NCAPD3: variants seen among roughly 807,000 people sequenced by gnomAD.
NCAPD3 encodes condensin-2 complex subunit D3.
In NCAPD3, 105 loss-of-function variants were observed where a neutral mutation model predicts 182.9. The ratio of observed to expected loss-of-function variants is 0.57; its 90% CI spans 0.49 to 0.68. The LOEUF (loss-of-function observed/expected upper bound fraction) is 0.68, where lower values mean the gene tolerates loss of function less well. Ranked by LOEUF, NCAPD3 falls within the 30% of genes least tolerant of loss-of-function variation. The probability of loss-of-function intolerance (pLI) is 0.00; values close to 1 mark genes in which losing one functional copy is unlikely to be tolerated. For synonymous variants in NCAPD3, 815 were observed against 679.9 expected, an observed-to-expected ratio of 1.20 and a Z score of -3.09; for missense variants, 1,944 against 1,837.0, an observed-to-expected ratio of 1.06 and a Z score of -1.07.
chr11:134,163,266 G>A (rs557179962), intron 27 of NCAPD3, among the ~76,000 whole-genome samples: 1 of 152,132 alleles, frequency 6.6e-6, no homozygotes, highest in African/African-American at 2.4e-5. Context: ...ACTTCCATGA[G>A]CTTTGACAAA....
At chr11:134,208,973 T>C (rs114252018) in intron 6 of NCAPD3, 22 bp from the exon 7 acceptor site, 1 of 1,533,306 alleles carries the variant, frequency 6.5e-7, no homozygotes, top group Non-Finnish European at 9.0e-7. Flanking sequence ...AGACGAAATA[T>C]TAGTTAATGG....
At chr11:134,163,412 C>G (rs1178659069) in intron 27 of NCAPD3, among the ~76,000 whole-genome samples, 1 of 152,012 alleles carries the variant, frequency 6.6e-6, no homozygotes. Context: ...TTAAGAAAGA[C>G]TGCTGGGCTG....
intron 27 of NCAPD3, among the ~76,000 whole-genome samples, chr11:134,164,908 ACACT>A (rs1190582584): frequency 6.6e-5 from 10 of 151,266 alleles, no homozygotes; most frequent in African/African-American, 2.4e-4. Flanking sequence ...GGGGAGCTGC[ACACT>A]CACTTGTGAG....
rs770207897 is a variant in NCAPD3 at position 134,168,327 on chromosome 11, C to A, written c.3374-132G>T. On this transcript the variant is annotated intron_variant, in intron 26 of 34. Transcript: ENST00000534548. ...CTGCAAGGGTGTTTTGTCTGGGGCA[C>A]AGCTGATGCCAGAGAAGGACAAGAT... The A allele has an allele frequency of 8.1e-6, 12 of 1,474,900 alleles. No homozygotes were observed. The South Asian group carries it at 1.3e-4, about 16-fold the overall frequency. 91.4% of individuals were successfully genotyped at this position (1,474,900 alleles called of 1,614,324 possible). A position where few individuals can be genotyped will look rare whatever the true frequency, so the allele number is the denominator to read the frequency against.
rs78438391 is a variant in NCAPD3 at position 134,160,197 on chromosome 11, G to A, written c.3685-123C>T. On this transcript the variant is annotated intron_variant, in intron 28 of 34. Coordinates refer to ENST00000534548, the MANE Select transcript of NCAPD3 (RefSeq NM_015261.3). ...ACATCCTGCACGTGTACCCCTGAACGCAAAATAAAAGTTAAGAAAGAAAAA... is the reference window on the plus strand; with the variant it reads ...ACATCCTGCACGTGTACCCCTGAACACAAAATAAAAGTTAAGAAAGAAAAA... 8,458 of 952,796 alleles carry A rather than the reference G, an allele frequency of 8.9e-3. 499 individuals carry two copies. The African/African-American group carries it at 0.12, about 14-fold the overall frequency. 59.0% of individuals were successfully genotyped at this position (952,796 alleles called of 1,614,324 possible). A position where few individuals can be genotyped will look rare whatever the true frequency, so the allele number is the denominator to read the frequency against.
At chr11:134,225,047 C>T, upstream of NCAPD3, 5 of 1,428,524 alleles carry the variant, frequency 3.5e-6, no homozygotes, top group Non-Finnish European at 4.7e-6. Flanking sequence ...GCCCTCTGGC[C>T]TTCTTTACCT....
At chr11:134,190,639 A>C (rs773121204) in intron 16 of NCAPD3, among the ~76,000 whole-genome samples, 3 of 152,136 alleles carry the variant, frequency 2.0e-5, no homozygotes, top group Non-Finnish European at 4.4e-5. Context: ...GGCGTGCGCC[A>C]CCACAAATGG....
intron 29 of NCAPD3, among the ~76,000 whole-genome samples, chr11:134,158,932 TTC>T (rs1436467951): frequency 1.3e-5 from 2 of 152,232 alleles, no homozygotes; most frequent in African/African-American, 4.8e-5. Context: ...ATCTTTGTCT[TTC>T]TGTGTTTGGC....
chr11:134,165,589 T>C (rs902754219), intron 27 of NCAPD3, among the ~76,000 whole-genome samples: 2 of 143,792 alleles, frequency 1.4e-5, no homozygotes, highest in African/African-American at 5.2e-5. Flanking sequence ...AGGGGCACAC[T>C]AGTGAGATGA....
At chr11:134,221,307 C>T (rs1411448644) in intron 1 of NCAPD3, among the ~76,000 whole-genome samples, 1 of 152,132 alleles carries the variant, frequency 6.6e-6, no homozygotes. Context: ...AGACAGCACG[C>T]TGGCTGGATT....
At position 134,151,515 on chromosome 11, in the gene NCAPD3, A is replaced by G. The variant is rs1943234223; in HGVS notation, c.*1429T>C. ...CTAGTGCCATGGGAACCAGGTCTGA[A>G]AAAGTAGAGAGAAGTGAAAGTAGAG... On this transcript the variant is annotated 3_prime_UTR_variant, in exon 35 of 35. Transcript: ENST00000534548. 6.6e-6 allele frequency: 1 copy of G among 152,246 alleles called. No individual in the cohort carries two copies. The highest frequency in any genetic ancestry group is 2.4e-5 in the African/African-American group (1 of 41,448). The allele number at this position is 152,246 out of a possible 1,614,324, so 9.4% of individuals were successfully genotyped here. A position where few individuals can be genotyped will look rare whatever the true frequency, so the allele number is the denominator to read the frequency against.
chr11:134,203,730 T>C lies in NCAPD3; in HGVS notation c.1392A>G (p.Ala464=). Residue 464 remains alanine (A), a synonymous_variant, in exon 11 of 35, where the codon GCA becomes GCG. Coordinates refer to ENST00000534548, the MANE Select transcript of NCAPD3 (RefSeq NM_015261.3). ...CCAGACAGTGTGCAAAGCTGGACAG[T>C]GCCTTGCTGCGGACAGTAGGCGCCT... ...LDKAPTVRSK[A]LSSFAHCLEL... is the part of the protein sequence containing the mutation. The C allele has an allele frequency of 1.9e-6, 3 of 1,614,162 alleles. No individual in the cohort carries two copies. The highest frequency in any genetic ancestry group is 1.7e-6 in the Non-Finnish European group (2 of 1,180,020).
chr11:134,202,930 T>G, intron 12 of NCAPD3, 25 bp from the exon 13 acceptor site: 1 of 1,544,770 alleles, frequency 6.5e-7, no homozygotes, highest in Non-Finnish European at 8.8e-7. Flanking sequence ...TTACAGTCAT[T>G]AAGCTAAAAA....
intron 3 of NCAPD3, among the ~76,000 whole-genome samples, chr11:134,214,902 C>T (rs1184780661): frequency 6.6e-6 from 1 of 152,138 alleles, no homozygotes; most frequent in Non-Finnish European, 1.5e-5. Context: ...CCCAGATACT[C>T]AAACCAGACA....
intron 1 of NCAPD3, among the ~76,000 whole-genome samples, chr11:134,221,114 G>A (rs992974041): frequency 5.9e-5 from 9 of 152,188 alleles, no homozygotes; most frequent in African/African-American, 2.2e-4. Flanking sequence ...AAGTTAATAA[G>A]TGGAAATAAA....
At chr11:134,183,691 A>T (rs2135983997) in intron 19 of NCAPD3, among the ~76,000 whole-genome samples, 1 of 152,370 alleles carries the variant, frequency 6.6e-6, no homozygotes, top group East Asian at 1.9e-4. Flanking sequence ...CCAGAAAAAC[A>T]CCAGGCACCA....
chr11:134,203,939 G>C lies in NCAPD3; in HGVS notation c.1216-33C>G, dbSNP rs2136011725. On this transcript the variant is annotated intron_variant, in intron 10 of 34. Coordinates refer to ENST00000534548, the MANE Select transcript of NCAPD3 (RefSeq NM_015261.3). ...AGCAAGATCATAAGAATTGCCATCAGATAGGAGTAAGAACCAAAGAACCCT... is the reference window on the plus strand; with the variant it reads ...AGCAAGATCATAAGAATTGCCATCACATAGGAGTAAGAACCAAAGAACCCT... 3.7e-6 allele frequency: 6 copies of C among 1,608,598 alleles called. No individual in the cohort carries two copies. In the South Asian group the frequency reaches 5.5e-5, roughly 15 times the overall value.
chr11:134,168,358 G>A, intron 26 of NCAPD3, 111 bp downstream of exon 26: 3 of 1,521,090 alleles, frequency 2.0e-6, no homozygotes, highest in Non-Finnish European at 2.7e-6. Context: ...AAGATGACAG[G>A]GGTCTTCCTG....
chr11:134,181,220 G>A lies in NCAPD3; in HGVS notation c.2452-36C>T, dbSNP rs780284348. 5.0e-5 allele frequency: 69 copies of A among 1,393,726 alleles called. 1 individual carries two copies. Among genetic ancestry groups the A allele is most frequent in the Admixed American group, 1.0e-4 (6 of 57,904 alleles). The allele number at this position is 1,393,726 out of a possible 1,614,324, so 86.3% of individuals were successfully genotyped here. Reference sequence around the variant, plus strand: ...TCAAAAGTCATCTCTGAAGGGCCCCGCACATCTCCCAGACTACCCATGAAA... The same window carrying A: ...TCAAAAGTCATCTCTGAAGGGCCCCACACATCTCCCAGACTACCCATGAAA... On this transcript the variant is annotated intron_variant, in intron 19 of 34. Coordinates refer to ENST00000534548, the MANE Select transcript of NCAPD3 (RefSeq NM_015261.3).
Sources: gnomAD v4.1 joint callset for allele counts (sites outside exome capture counted in the v4.1 genomes callset) on GRCh38, gnomAD v4.1.1 for gene constraint, MANE v1.5 for transcripts, NCBI Gene and HGNC (gene_info 2026-07-23, HGNC 2026-07-21) for gene names.